DTNA: variants seen among roughly 807,000 people sequenced by gnomAD.
The protein encoded by DTNA is dystrophin-related protein 3.
In DTNA, 43 loss-of-function variants were observed where a neutral mutation model predicts 100.7. The ratio of observed to expected loss-of-function variants is 0.43; its 90% CI spans 0.33 to 0.55. The LOEUF (loss-of-function observed/expected upper bound fraction) is 0.55, where lower values mean the gene tolerates loss of function less well. DTNA is among the 20% of genes least tolerant of loss of function. DTNA has a pLI of 0.04. For missense variants in DTNA, 798 were observed against 953.9 expected (o/e 0.84, Z 2.15); for synonymous variants, 349 against 347.9 (o/e 1.00, Z -0.04).
At chr18:34,692,446 G>C (rs1568234279) in intron 1 of DTNA, among the ~76,000 whole-genome samples, 1 of 152,240 alleles carries the variant, frequency 6.6e-6, no homozygotes, top group East Asian at 1.9e-4. Flanking sequence ...TGTATTTCTG[G>C]TAAGTGGCAG....
chr18:34,551,548 G>A (rs2045418765), intron 1 of DTNA, among the ~76,000 whole-genome samples: 3 of 152,094 alleles, frequency 2.0e-5, no homozygotes, highest in African/African-American at 7.2e-5. Context: ...AATCTGGGAT[G>A]TATAAGGTGA....
chr18:34,548,107 G>C (rs2045000422), intron 1 of DTNA, among the ~76,000 whole-genome samples: 3 of 152,106 alleles, frequency 2.0e-5, no homozygotes, highest in Admixed American at 2.0e-4. Flanking sequence ...ATTTATTCTT[G>C]GGTAGTTAGA....
intron 12 of DTNA, 127 bp downstream of exon 12, chr18:34,838,298 C>T: frequency 1.0e-6 from 1 of 968,312 alleles, no homozygotes; most frequent in Non-Finnish European, 1.6e-6. Context: ...CTGCTTTAAC[C>T]CAGTTAACAG....
chr18:34,853,760 G>C (rs989121171), intron 15 of DTNA, among the ~76,000 whole-genome samples: 31 of 151,990 alleles, frequency 2.0e-4, no homozygotes, highest in Non-Finnish European at 5.9e-5. Flanking sequence ...CAGATGCATA[G>C]TGACGAATTA....
intron 1 of DTNA, among the ~76,000 whole-genome samples, chr18:34,686,511 T>A (rs914898809): frequency 6.6e-6 from 1 of 152,212 alleles, no homozygotes; most frequent in Non-Finnish European, 1.5e-5. Context: ...GTGGATAATC[T>A]TTTTGATATG....
At chr18:34,863,055 A>T (rs1215531166) in intron 16 of DTNA, among the ~76,000 whole-genome samples, 1 of 152,194 alleles carries the variant, frequency 6.6e-6, no homozygotes, top group Non-Finnish European at 1.5e-5. Flanking sequence ...AATATTTCAA[A>T]CTCAAACAGA....
chr18:34,613,143 C>T (rs2054562734), intron 1 of DTNA, among the ~76,000 whole-genome samples: 2 of 152,148 alleles, frequency 1.3e-5, no homozygotes, highest in South Asian at 4.1e-4. Flanking sequence ...TGATCTACAA[C>T]TAGTAGTCTT....
intron 1 of DTNA, among the ~76,000 whole-genome samples, chr18:34,556,737 T>G (rs2046099437): frequency 6.6e-6 from 1 of 152,088 alleles, no homozygotes. Context: ...TGCCGAGAGA[T>G]CCACTGTTAG....
intron 2 of DTNA, among the ~76,000 whole-genome samples, chr18:34,763,590 AT>A (rs2093314640): frequency 6.6e-6 from 1 of 152,200 alleles, no homozygotes; most frequent in Admixed American, 6.5e-5. Flanking sequence ...TGAGCCGTCT[AT>A]TTTTAAAAAA....
chr18:34,606,066 A>G (rs1286120241), intron 1 of DTNA, among the ~76,000 whole-genome samples: 3 of 152,204 alleles, frequency 2.0e-5, no homozygotes, highest in Non-Finnish European at 4.4e-5. Flanking sequence ...CAAGATAGGG[A>G]TATAAGAAAG....
At chr18:34,646,315 G>A (rs1279778685) in intron 1 of DTNA, among the ~76,000 whole-genome samples, 1 of 152,112 alleles carries the variant, frequency 6.6e-6, no homozygotes, top group Non-Finnish European at 1.5e-5. Context: ...CTAGATGTAA[G>A]CATTTTAACT....
chr18:34,796,541 A>G (rs957563626), intron 4 of DTNA, among the ~76,000 whole-genome samples: 1 of 152,336 alleles, frequency 6.6e-6, no homozygotes, highest in Non-Finnish European at 1.5e-5. Context: ...TGCTGTTGCT[A>G]TTACAGAATC....
At chr18:34,843,048 A>T (rs1048020505) in intron 13 of DTNA, among the ~76,000 whole-genome samples, 1 of 152,196 alleles carries the variant, frequency 6.6e-6, no homozygotes, top group Non-Finnish European at 1.5e-5. Flanking sequence ...TTGATATTGT[A>T]GAATATCAGT....
At chr18:34,558,555 C>T (rs192231745) in intron 1 of DTNA, among the ~76,000 whole-genome samples, 21 of 151,926 alleles carry the variant, frequency 1.4e-4, no homozygotes, top group Non-Finnish European at 2.6e-4. Flanking sequence ...AAATAATACA[C>T]AAATATGAAA....
At chr18:34,708,988 T>G (rs1402820576), upstream of DTNA, among the ~76,000 whole-genome samples, 2 of 152,160 alleles carry the variant, frequency 1.3e-5, no homozygotes, top group African/African-American at 4.8e-5. Context: ...CGCATCTGCT[T>G]GATTCCACAA....
intron 1 of DTNA, among the ~76,000 whole-genome samples, chr18:34,678,028 C>A (rs2077600021): frequency 6.6e-6 from 1 of 152,176 alleles, no homozygotes; most frequent in Non-Finnish European, 1.5e-5. Flanking sequence ...GCAAACACAT[C>A]CTTCTTCATG....
intron 4 of DTNA, among the ~76,000 whole-genome samples, chr18:34,800,733 A>C (rs1168165831): frequency 6.6e-6 from 1 of 152,230 alleles, no homozygotes; most frequent in Non-Finnish European, 1.5e-5. Context: ...CTTACTTAAA[A>C]GAACTTCAAG....
intron 1 of DTNA, among the ~76,000 whole-genome samples, chr18:34,713,815 T>C (rs1158522847): frequency 6.6e-6 from 1 of 151,876 alleles, no homozygotes; most frequent in Non-Finnish European, 1.5e-5. Context: ...GGTTTGTAGT[T>C]CTCCTTGAAG....
At position 34,557,087 on chromosome 18, in the gene DTNA, A is replaced by C. The variant is rs113839492; in HGVS notation, c.-2+63573A>C. Among the ~76,000 whole-genome samples the C allele has an allele frequency of 5.0e-3, 760 of 150,672 alleles. 2 individuals are homozygous for C. Among genetic ancestry groups the C allele is most frequent in the Admixed American group, 1.0e-2 (152 of 15,204 alleles). On this transcript the variant is annotated intron_variant, in intron 1 of 19. Coordinates refer to the DTNA transcript ENST00000283365. ...GCTCATTTCTTATTCTTTTTTCTCT[A>C]AACTTCCCTTCTCGCTTCATTTCAT...
Sources: gnomAD v4.1 joint callset for allele counts (sites outside exome capture counted in the v4.1 genomes callset) on GRCh38, gnomAD v4.1.1 for gene constraint, MANE v1.5 for transcripts, NCBI Gene and HGNC (gene_info 2026-07-23, HGNC 2026-07-21) for gene names.